GPR158: variants seen among roughly 807,000 people sequenced by gnomAD.
GPR158 encodes G protein-coupled receptor 158.
Under a neutral mutation model 78.2 loss-of-function variants are expected in GPR158, and 30 were observed. The ratio of observed to expected loss-of-function variants is 0.38; its 90% CI spans 0.29 to 0.52. The LOEUF is 0.52. GPR158 is among the 20% of genes least tolerant of loss of function. GPR158 has a pLI of 0.83. For missense variants in GPR158, 1,463 were observed against 1,523.5 expected (o/e 0.96, Z 0.66); for synonymous variants, 581 against 591.1 (o/e 0.98, Z 0.25).
chr10:25,198,645 GATA>G (rs757003436), intron 1 of GPR158, among the ~76,000 whole-genome samples: 1 of 152,146 alleles, frequency 6.6e-6, no homozygotes, highest in Non-Finnish European at 1.5e-5. Flanking sequence ...AAAGCTATTT[GATA>G]ATAGTATTCT....
At chr10:25,432,293 AATT>A (rs1039077686) in intron 4 of GPR158, among the ~76,000 whole-genome samples, 21 of 140,980 alleles carry the variant, frequency 1.5e-4, no homozygotes, top group African/African-American at 4.9e-4. Context: ...TAAAAATAAT[AATT>A]CTCTCTGTTG....
At chr10:25,375,504 T>C (rs561960061) in intron 2 of GPR158, among the ~76,000 whole-genome samples, 174 of 151,734 alleles carry the variant, frequency 1.1e-3, no homozygotes, top group African/African-American at 4.0e-3. Context: ...ACCTTTTAAA[T>C]TTTAGCCCAT....
chr10:25,407,487 G>A (rs1834529789), intron 3 of GPR158, among the ~76,000 whole-genome samples: 4 of 152,036 alleles, frequency 2.6e-5, no homozygotes, highest in Admixed American at 2.0e-4. Context: ...TTTTTCACAT[G>A]TGTCAAGATG....
intron 4 of GPR158, among the ~76,000 whole-genome samples, chr10:25,428,063 G>T (rs190981686): frequency 4.1e-4 from 62 of 152,082 alleles, no homozygotes; most frequent in African/African-American, 1.4e-3. Context: ...ATGTTGGATT[G>T]CTTTATACAT....
At chr10:25,269,381 A>G (rs966801070) in intron 2 of GPR158, among the ~76,000 whole-genome samples, 1 of 152,212 alleles carries the variant, frequency 6.6e-6, no homozygotes, top group African/African-American at 2.4e-5. Context: ...TAATGGAAAC[A>G]GAATGGTAAA....
intron 2 of GPR158, among the ~76,000 whole-genome samples, chr10:25,239,594 C>T (rs1008716409): frequency 2.3e-5 from 3 of 132,454 alleles, no homozygotes; most frequent in Non-Finnish European, 3.1e-5. Context: ...GGTGACAGAG[C>T]GAGACTCTGT....
chr10:25,431,265 T>C (rs370925933), intron 4 of GPR158, among the ~76,000 whole-genome samples: 2 of 124,970 alleles, frequency 1.6e-5, no homozygotes, highest in Non-Finnish European at 3.6e-5. Context: ...AAAATGCTCA[T>C]CATCACTGGC....
At chr10:25,397,431 A>C (rs1299551162) in intron 3 of GPR158, among the ~76,000 whole-genome samples, 1 of 152,206 alleles carries the variant, frequency 6.6e-6, no homozygotes, top group Non-Finnish European at 1.5e-5. Flanking sequence ...GTCTCTTTTA[A>C]ATAGTTACCC....
chr10:25,307,572 C>T (rs1211731992), intron 2 of GPR158, among the ~76,000 whole-genome samples: 2 of 151,558 alleles, frequency 1.3e-5, no homozygotes. Context: ...TTTTTATTTT[C>T]CTGTGTTGCC....
intron 2 of GPR158, among the ~76,000 whole-genome samples, chr10:25,373,064 G>A (rs7916274): frequency 0.65 from 97,935 of 151,698 alleles, 32,573 homozygotes; most frequent in Non-Finnish European, 0.73. Flanking sequence ...GCCCATCAAC[G>A]GCAGATTGGA....
Position 25,176,134 on chromosome 10 carries a change from C to T in GPR158, c.714C>T (p.Gly238=), listed in dbSNP as rs1564383055. ...GGAGGCCCCACTTACACCGCCGCGG[C>T]CCCAATCAGGGGCCCCGGGGCCTGG... ...RKWRPHLHRR[G]PNQGPRGLGH... The change falls in exon 1 of 11, where the codon GGC becomes GGT. Residue 238 remains glycine, a synonymous_variant. Transcript: ENST00000376351. The surrounding 1 kb of genome is among the most constrained non-coding windows in gnomAD (Gnocchi z 6.3). 6.4e-7 allele frequency: 1 copy of T among 1,571,854 alleles called. No homozygotes were observed. Among genetic ancestry groups the T allele is most frequent in the Non-Finnish European group, 8.6e-7 (1 of 1,160,090 alleles).
At chr10:25,575,308 A>G (rs1235525320) in intron 7 of GPR158, among the ~76,000 whole-genome samples, 1 of 152,240 alleles carries the variant, frequency 6.6e-6, no homozygotes, top group Non-Finnish European at 1.5e-5. Context: ...AATTCAATCA[A>G]GATGACTATA....
chr10:25,182,695 C>T (rs1852627479), intron 1 of GPR158, among the ~76,000 whole-genome samples: 2 of 152,156 alleles, frequency 1.3e-5, no homozygotes, highest in Non-Finnish European at 2.9e-5. Context: ...TAAGGCTACC[C>T]TTTTTCAGTC....
At chr10:25,401,132 G>A (rs1429235230) in intron 3 of GPR158, among the ~76,000 whole-genome samples, 2 of 152,052 alleles carry the variant, frequency 1.3e-5, no homozygotes, top group Non-Finnish European at 2.9e-5. Flanking sequence ...GGGGAGTCGG[G>A]ACATTTGCTT....
chr10:25,373,906 G>A (rs182058786), intron 2 of GPR158, among the ~76,000 whole-genome samples: 5 of 151,696 alleles, frequency 3.3e-5, no homozygotes, highest in African/African-American at 1.2e-4. Flanking sequence ...TTTATGCAGT[G>A]CTTTTTAATG....
intron 2 of GPR158, among the ~76,000 whole-genome samples, chr10:25,299,705 A>G (rs911999748): frequency 6.6e-6 from 1 of 152,170 alleles, no homozygotes; most frequent in Admixed American, 6.5e-5. Flanking sequence ...GGGAGTGCAG[A>G]TATGTTTATA....
At chr10:25,378,190 A>T (rs1369349818) in intron 2 of GPR158, among the ~76,000 whole-genome samples, 1 of 152,138 alleles carries the variant, frequency 6.6e-6, no homozygotes, top group Non-Finnish European at 1.5e-5. Context: ...GGAACAGAGA[A>T]TGATACGAGC....
At chr10:25,588,082 GA>G (rs1837293725) in intron 7 of GPR158, among the ~76,000 whole-genome samples, 1 of 152,102 alleles carries the variant, frequency 6.6e-6, no homozygotes, top group Admixed American at 6.6e-5. Context: ...TTAGTTTGGG[GA>G]AAAAAGTCAA....
chr10:25,393,056 T>C (rs940497752), intron 2 of GPR158, among the ~76,000 whole-genome samples: 1 of 152,222 alleles, frequency 6.6e-6, no homozygotes, highest in Non-Finnish European at 1.5e-5. Flanking sequence ...TTCTGTGTTT[T>C]ATGTAATAAA....
Sources: allele counts gnomAD v4.1 joint callset (sites outside exome capture counted in the v4.1 genomes callset), GRCh38; gene constraint gnomAD v4.1.1; non-coding constraint Gnocchi (gnomAD v3.1); transcripts MANE v1.5; gene names NCBI Gene and HGNC (gene_info 2026-07-23, HGNC 2026-07-21).